FLT3: variants seen among roughly 807,000 people sequenced by gnomAD.
FLT3 encodes fms related receptor tyrosine kinase 3.
Under a neutral mutation model 126.6 loss-of-function variants are expected in FLT3, and 46 were observed. That is an observed-to-expected ratio of 0.36 (90% CI 0.29 to 0.46). The LOEUF (loss-of-function observed/expected upper bound fraction) is 0.46. Among genes scored for constraint, FLT3 ranks in the 20% least tolerant of loss-of-function variants. The probability of loss-of-function intolerance (pLI) is 1.00; values close to 1 mark genes in which losing one functional copy is unlikely to be tolerated. For synonymous variants in FLT3, 404 were observed against 434.4 expected (o/e 0.93, Z 0.87); for missense variants, 1,069 against 1,190.3 (o/e 0.90, Z 1.50).
intron 1 of FLT3, among the ~76,000 whole-genome samples, chr13:28,091,287 T>A (rs1031070629): frequency 1.6e-5 from 2 of 128,618 alleles, no homozygotes; most frequent in Non-Finnish European, 3.2e-5. Flanking sequence ...AGTGGCGCGA[T>A]CTCGGCTCAC....
chr13:28,073,010 A>G (rs1425266348), intron 1 of FLT3, among the ~76,000 whole-genome samples: 1 of 146,674 alleles, frequency 6.8e-6, no homozygotes, highest in Non-Finnish European at 1.5e-5. Flanking sequence ...GTCTCTAAAA[A>G]AAAAAAACAA....
At chr13:28,069,488 T>C (rs748400985) in intron 2 of FLT3, among the ~76,000 whole-genome samples, 4 of 152,128 alleles carry the variant, frequency 2.6e-5, no homozygotes, top group Non-Finnish European at 5.9e-5. Flanking sequence ...GATTTTGATG[T>C]GCAAATGGAA....
intron 1 of FLT3, among the ~76,000 whole-genome samples, chr13:28,086,579 ATTTTCAT>A (rs1878686112): frequency 6.7e-6 from 1 of 149,858 alleles, no homozygotes; most frequent in South Asian, 2.1e-4. Flanking sequence ...GTAAATCCAG[ATTTTCAT>A]TTTGTATTAT....
At chr13:28,087,213 G>A (rs1878731996) in intron 1 of FLT3, among the ~76,000 whole-genome samples, 1 of 151,814 alleles carries the variant, frequency 6.6e-6, no homozygotes, top group African/African-American at 2.4e-5. Context: ...TTGACTACAA[G>A]GACACACCAT....
chr13:28,042,646 C>A (rs1257961324), intron 9 of FLT3, among the ~76,000 whole-genome samples: 2 of 152,072 alleles, frequency 1.3e-5, no homozygotes, highest in East Asian at 3.9e-4. Flanking sequence ...ATGGTAAGAG[C>A]TCAAAGAAGG....
rs569069115 is a variant in FLT3 at position 28,083,452 on chromosome 13, C to A, written c.44-12840G>T. 1.9e-3 allele frequency among the ~76,000 whole-genome samples: 290 copies of A among 151,982 alleles called. 1 individual carries two copies. Among genetic ancestry groups the A allele is most frequent in the African/African-American group, 6.8e-3 (282 of 41,444 alleles). The stretch of plus-strand genomic sequence containing the variant: ...ACTCATGGAAGTTATTGATCTATAC[C>A]CTTCTTTTAACCTTTGTCTGGTTTT... On this transcript the variant is annotated intron_variant, in intron 1 of 23. Coordinates refer to ENST00000241453, the MANE Select transcript of FLT3 (RefSeq NM_004119.3).
intron 11 of FLT3, 123 bp from the exon 12 acceptor site, chr13:28,035,796 T>A: frequency 8.3e-7 from 1 of 1,200,436 alleles, no homozygotes; most frequent in Non-Finnish European, 1.2e-6. Context: ...AGTCTATGAC[T>A]ATTGAGAGTT....
chr13:28,079,606 G>A (rs926311669), intron 1 of FLT3, among the ~76,000 whole-genome samples: 1 of 152,138 alleles, frequency 6.6e-6, no homozygotes, highest in Non-Finnish European at 1.5e-5. Flanking sequence ...CACATGGCTG[G>A]GAGGCTTCAA....
At chr13:28,091,641 A>C (rs552496515) in intron 1 of FLT3, among the ~76,000 whole-genome samples, 1 of 151,704 alleles carries the variant, frequency 6.6e-6, no homozygotes, top group Admixed American at 6.6e-5. Flanking sequence ...ACTACTGTCT[A>C]TCTGCTGGTG....
chr13:28,031,224 T>C (rs150946889), intron 15 of FLT3, among the ~76,000 whole-genome samples: 1,892 of 151,216 alleles, frequency 0.013, 38 homozygotes, highest in African/African-American at 0.044. Context: ...TGAGACTCCG[T>C]CTCAAAAAAA....
chr13:28,046,962 T>G (rs977335858), intron 9 of FLT3, among the ~76,000 whole-genome samples: 1 of 152,128 alleles, frequency 6.6e-6, no homozygotes, highest in Non-Finnish European at 1.5e-5. Flanking sequence ...AAATCTAGTG[T>G]GTATTTTACA....
intron 1 of FLT3, among the ~76,000 whole-genome samples, chr13:28,090,499 C>G (rs190230534): frequency 3.3e-4 from 50 of 152,212 alleles, no homozygotes; most frequent in African/African-American, 1.2e-3. Flanking sequence ...AAAAGCTGGC[C>G]AGATGCGGTG....
chr13:28,071,731 G>A (rs898568785), intron 1 of FLT3, among the ~76,000 whole-genome samples: 2 of 152,052 alleles, frequency 1.3e-5, no homozygotes, highest in South Asian at 2.1e-4. Flanking sequence ...TGTGTCCTGC[G>A]AGCTGGTCTT....
rs535289665 is a variant in FLT3 at position 28,018,469 on chromosome 13, T to C, written c.2539A>G (p.Asn847Asp). ...TAAGTAGGAAATAGCAGCCTCACAT[T>C]GCCCCTGACAACATAGTTGGAATCA... ...MSDSNYVVRG[N>D]ARLPVKWMAP... Residue 847 changes from asparagine to aspartate, a missense_variant and splice_region_variant, in exon 20 of 24, where the codon AAT (asparagine) becomes GAT (aspartate). By Grantham distance (23) the Asn-to-Asp change is conservative. Coordinates refer to ENST00000241453, the MANE Select transcript of FLT3 (RefSeq NM_004119.3). 6.2e-7 allele frequency: 1 copy of C among 1,614,030 alleles called. No homozygotes were observed. Among genetic ancestry groups the C allele is most frequent in the South Asian group, 1.1e-5 (1 of 91,076 alleles).
At position 28,018,498 on chromosome 13, in the gene FLT3, A is replaced by G. The variant is rs746962291; in HGVS notation, c.2510T>C (p.Met837Thr). The G allele has an allele frequency of 1.2e-6, 2 of 1,613,960 alleles. No individual in the cohort carries two copies. Among genetic ancestry groups the G allele is most frequent in the Non-Finnish European group, 8.5e-7 (1 of 1,179,816 alleles). ...ICDFGLARDI[M>T]SDSNYVVRGN... ...CCTGACAACATAGTTGGAATCACTC[A>G]TGATATCTCGAGCCAATCCAAAGTC... is the stretch of plus-strand genomic sequence containing the variant. Residue 837 changes from methionine (M) to threonine (T), a missense_variant, in exon 20 of 24, where the codon ATG becomes ACG. Physicochemically the swap from Met to Thr is moderately conservative, Grantham distance 81. Transcript: ENST00000241453.
intron 2 of FLT3, among the ~76,000 whole-genome samples, chr13:28,065,494 T>G (rs1324448659): frequency 6.6e-6 from 1 of 151,758 alleles, no homozygotes; most frequent in East Asian, 1.9e-4. Context: ...ATTAAAAAAT[T>G]AGCCAGGCAT....
chr13:28,081,736 T>A (rs994255530), intron 1 of FLT3, among the ~76,000 whole-genome samples: 3 of 152,152 alleles, frequency 2.0e-5, no homozygotes, highest in African/African-American at 4.8e-5. Context: ...AGCTATTGGT[T>A]TTTCATAGAT....
chr13:28,008,122 A>T (rs1212702931), intron 23 of FLT3, among the ~76,000 whole-genome samples: 1 of 151,956 alleles, frequency 6.6e-6, no homozygotes, highest in Admixed American at 6.6e-5. Flanking sequence ...AGGCAGGAGG[A>T]TTGCTTGAGG....
chr13:28,024,412 G>A (rs1164941349), intron 18 of FLT3, among the ~76,000 whole-genome samples: 2 of 152,182 alleles, frequency 1.3e-5, no homozygotes, highest in Non-Finnish European at 2.9e-5. Flanking sequence ...TTACAGGCGT[G>A]AGCCACCACG....
Sources: gnomAD v4.1 joint callset for allele counts (sites outside exome capture counted in the v4.1 genomes callset) on GRCh38, gnomAD v4.1.1 for gene constraint, MANE v1.5 for transcripts, NCBI Gene and HGNC (gene_info 2026-07-23, HGNC 2026-07-21) for gene names.